The following NBPF8 variants were observed in gnomAD, a reference collection of about 807,000 sequenced individuals.
The protein encoded by NBPF8 is NBPF family member NBPF8.
intron 8 of NBPF8, among the ~76,000 whole-genome samples, chr1:120,446,222 T>C (rs1661157625): frequency 7.1e-6 from 1 of 141,396 alleles, no homozygotes; most frequent in Non-Finnish European, 1.6e-5. Context: ...GGTTTGGAGG[T>C]CACAGTATTG....
At chr1:120,461,519 ATG>A in intron 19 of NBPF8, 93 bp downstream of exon 17, 1 of 459,896 alleles carries the variant, frequency 2.2e-6, no homozygotes, top group South Asian at 2.0e-5. Context: ...GAGCTGAGAG[ATG>A]TCATTGCCAC....
At chr1:120,453,587 C>G (rs1553249259) in intron 14 of NBPF8, 143 bp downstream of exon 12, 39 of 877,974 alleles carry the variant, frequency 4.4e-5, no homozygotes, top group South Asian at 1.5e-4. Flanking sequence ...AGCTTAGACA[C>G]AGGGTGCGGT....
intron 21 of NBPF8, 130 bp downstream of exon 19, chr1:120,463,096 A>G (rs1570946026): frequency 1.4e-6 from 1 of 696,926 alleles, no homozygotes; most frequent in Non-Finnish European, 2.6e-6. Flanking sequence ...GGGCGCATAT[A>G]GGTTGTAATG....
chr1:120,435,992 C>T (rs1661063228), upstream of NBPF8, among the ~76,000 whole-genome samples: 1 of 152,012 alleles, frequency 6.6e-6, no homozygotes, highest in Admixed American at 6.6e-5. Context: ...TGATGTTGTA[C>T]AGACAAGAGA....
upstream of NBPF8, chr1:120,432,243 G>T (rs1238672983): frequency 1.5e-5 from 2 of 130,692 alleles, no homozygotes; most frequent in Non-Finnish European, 3.2e-5. Flanking sequence ...AATAAAACTC[G>T]TTTAATACTA....
chr1:120,435,829 G>A (rs1331793065), upstream of NBPF8, among the ~76,000 whole-genome samples: 16 of 151,482 alleles, frequency 1.1e-4, no homozygotes, highest in South Asian at 2.5e-3. Context: ...TCGCGTCACT[G>A]CACTCCAGCC....
intron 17 of NBPF8, among the ~76,000 whole-genome samples, chr1:120,459,953 C>A (rs1181278990): frequency 4.6e-5 from 7 of 151,988 alleles, no homozygotes; most frequent in Non-Finnish European, 2.9e-5. Context: ...GCCAGTGTCA[C>A]CCTTGTCTAC....
At chr1:120,449,647 C>A (rs1433157629) in intron 11 of NBPF8, among the ~76,000 whole-genome samples, 5 of 152,170 alleles carry the variant, frequency 3.3e-5, no homozygotes, top group Non-Finnish European at 7.3e-5. Context: ...TGATTTCTGA[C>A]ACAGGCACAG....
downstream of NBPF8, among the ~76,000 whole-genome samples, chr1:120,467,957 TG>T (rs1661789015): frequency 6.6e-6 from 1 of 151,666 alleles, no homozygotes; most frequent in Admixed American, 6.6e-5. Context: ...TGAGAGTGTG[TG>T]TGTGCGTGTG....
At chr1:120,469,083 C>T (rs1570949718), downstream of NBPF8, among the ~76,000 whole-genome samples, 2 of 143,536 alleles carry the variant, frequency 1.4e-5, no homozygotes, top group East Asian at 2.1e-4. Flanking sequence ...GAACTTCAAT[C>T]GTTTACAAAA....
In NBPF8 at chr1:120,420,649, G is replaced by T. The variant is rs1454939901; in HGVS notation, n.269+531G>T. The stretch of plus-strand genomic sequence containing the variant: ...CAGTTGCCAGTATAATGGGTTAAAA[G>T]AGAGGCCACTTTTGAAGGCCGTTCC... On this transcript the variant is annotated intron_variant and non_coding_transcript_variant, in intron 1 of 28. Transcript: ENST00000652355. Among the ~76,000 whole-genome samples the T allele has an allele frequency of 6.8e-5, 10 of 146,864 alleles. No homozygotes were observed. In the East Asian group the frequency reaches 1.6e-3, roughly 23 times the overall value.
At chr1:120,422,669 A>G (rs1201075540) in intron 1 of NBPF8, among the ~76,000 whole-genome samples, 1 of 145,688 alleles carries the variant, frequency 6.9e-6, no homozygotes. Flanking sequence ...AGTTTTGACA[A>G]TTATGATAAA....
At chr1:120,452,238 G>T in exon 13 of NBPF8, 2 of 1,278,624 alleles carry the variant, frequency 1.6e-6, no homozygotes, top group Non-Finnish European at 2.3e-6. Flanking sequence ...CCTCACTCCG[G>T]ATGAGCCGGA....
chr1:120,435,565 C>T (rs1411829844), upstream of NBPF8, among the ~76,000 whole-genome samples: 3 of 138,822 alleles, frequency 2.2e-5, no homozygotes, highest in East Asian at 2.0e-4. Flanking sequence ...AGAAGTCGGC[C>T]GGGCGCGGTG....
At chr1:120,466,305 T>C in exon 25 of NBPF8, 1 of 1,560,456 alleles carries the variant, frequency 6.4e-7, no homozygotes, top group Non-Finnish European at 8.7e-7. Flanking sequence ...TATAGTTCCA[T>C]TTGGAAGCCC....
At chr1:120,430,447 T>C (rs1456704051) in intron 3 of NBPF8, among the ~76,000 whole-genome samples, 1 of 108,570 alleles carries the variant, frequency 9.2e-6, no homozygotes, top group Non-Finnish European at 1.9e-5. Flanking sequence ...TCTAAATACA[T>C]GTTGTGCTTA....
chr1:120,468,011 C>T (rs1438140805), downstream of NBPF8, among the ~76,000 whole-genome samples: 1 of 151,488 alleles, frequency 6.6e-6, no homozygotes, highest in Non-Finnish European at 1.5e-5. Context: ...GGTTGTATAG[C>T]TCATGTTAAA....
At chr1:120,460,935 T>A (rs9424638) in intron 18 of NBPF8, among the ~76,000 whole-genome samples, 62 of 152,014 alleles carry the variant, frequency 4.1e-4, no homozygotes, top group Non-Finnish European at 7.1e-4. Context: ...CACTGTTCAC[T>A]GTGTGTCCTG....
At chr1:120,460,175 C>T (rs1386183160) in intron 17 of NBPF8, among the ~76,000 whole-genome samples, 8 of 152,312 alleles carry the variant, frequency 5.3e-5, no homozygotes, top group South Asian at 4.2e-4. Context: ...ATTGCACCCC[C>T]TCATCAAATC....
Sources: allele counts gnomAD v4.1 joint callset (sites outside exome capture counted in the v4.1 genomes callset), GRCh38; gene constraint gnomAD v4.1.1; transcripts MANE v1.5; gene names NCBI Gene and HGNC (gene_info 2026-07-23, HGNC 2026-07-21).